MAPK10: variants seen among roughly 807,000 people sequenced by gnomAD.
MAPK10 encodes JNK3 alpha protein kinase.
MAPK10 carries 25 observed loss-of-function variants against 59.3 expected under a neutral mutation model. That is an observed-to-expected ratio of 0.42 (90% CI 0.31 to 0.59). The LOEUF (loss-of-function observed/expected upper bound fraction) is 0.59. Ranked by LOEUF, MAPK10 falls within the 20% of genes least tolerant of loss-of-function variation. The pLI is 0.15. For missense variants in MAPK10, 351 were observed against 568.9 expected (o/e 0.62, Z 3.90); for synonymous variants, 190 against 200.5 (o/e 0.95, Z 0.44).
intron 1 of MAPK10, among the ~76,000 whole-genome samples, chr4:86,381,189 C>T (rs1181252116): frequency 6.6e-6 from 1 of 152,164 alleles, no homozygotes; most frequent in Non-Finnish European, 1.5e-5. Flanking sequence ...TGGCTTTAGG[C>T]CTGAAAGAAG....
At chr4:86,385,912 A>T (rs1287544433) in intron 1 of MAPK10, among the ~76,000 whole-genome samples, 1 of 152,218 alleles carries the variant, frequency 6.6e-6, no homozygotes, top group African/African-American at 2.4e-5. Context: ...ACACATGCAT[A>T]CACACAGAAA....
At chr4:86,103,421 C>T (rs2055925972) in intron 5 of MAPK10, among the ~76,000 whole-genome samples, 177 bp from the exon 6 acceptor site, 2 of 152,086 alleles carry the variant, frequency 1.3e-5, no homozygotes, top group Admixed American at 6.5e-5. Context: ...TCAGAAAGAA[C>T]AGATGATCTG....
At chr4:86,189,807 G>A (rs892500691) in intron 3 of MAPK10, among the ~76,000 whole-genome samples, 38 of 152,114 alleles carry the variant, frequency 2.5e-4, no homozygotes, top group African/African-American at 8.4e-4. Flanking sequence ...TGGTGAGAGA[G>A]GGCACCTTGT....
chr4:86,244,912 C>G (rs1235024653), intron 2 of MAPK10, among the ~76,000 whole-genome samples: 1 of 152,124 alleles, frequency 6.6e-6, no homozygotes, highest in Non-Finnish European at 1.5e-5. Context: ...TAGATTGCTT[C>G]CCCATCCTTC....
At chr4:86,094,102 A>ATT (rs1474057374) in intron 9 of MAPK10, among the ~76,000 whole-genome samples, 3 of 151,994 alleles carry the variant, frequency 2.0e-5, no homozygotes, top group African/African-American at 7.2e-5. Flanking sequence ...AGAGGTAAGA[A>ATT]GAATTTTAAA....
At chr4:86,267,195 A>G (rs2094278800) in intron 2 of MAPK10, among the ~76,000 whole-genome samples, 1 of 152,266 alleles carries the variant, frequency 6.6e-6, no homozygotes, top group South Asian at 2.1e-4. Context: ...TTATTTTAGC[A>G]TAGATTTCCC....
At chr4:86,398,566 T>A (rs922425377) in intron 1 of MAPK10, among the ~76,000 whole-genome samples, 1 of 152,210 alleles carries the variant, frequency 6.6e-6, no homozygotes, top group Non-Finnish European at 1.5e-5. Context: ...TACCGCACAT[T>A]TTTCTTACAA....
chr4:86,418,480 G>C (rs1746123318), intron 1 of MAPK10, among the ~76,000 whole-genome samples: 1 of 152,200 alleles, frequency 6.6e-6, no homozygotes. Flanking sequence ...AATAACTTCA[G>C]ATTCATCAAG....
At chr4:86,436,002 A>G (rs1487951415) in intron 1 of MAPK10, among the ~76,000 whole-genome samples, 3 of 152,230 alleles carry the variant, frequency 2.0e-5, no homozygotes, top group Non-Finnish European at 1.5e-5. Context: ...AAAGGTAATC[A>G]TATTTTGTTA....
chr4:86,524,462 A>G (rs1757326681), intron 1 of MAPK10, among the ~76,000 whole-genome samples: 1 of 152,182 alleles, frequency 6.6e-6, no homozygotes, highest in Non-Finnish European at 1.5e-5. Context: ...CCCTCAATTC[A>G]GTTCTTGCAC....
intron 2 of MAPK10, among the ~76,000 whole-genome samples, chr4:86,325,014 A>G (rs1351694333): frequency 1.3e-5 from 2 of 152,244 alleles, no homozygotes; most frequent in African/African-American, 4.8e-5. Context: ...GTTTCAGACA[A>G]GGACTTTTAC....
At chr4:86,198,150 C>T (rs1272386565) in intron 2 of MAPK10, among the ~76,000 whole-genome samples, 1 of 152,124 alleles carries the variant, frequency 6.6e-6, no homozygotes, top group South Asian at 2.1e-4. Context: ...TTGTTCCAGA[C>T]CATCTTGCTA....
intron 2 of MAPK10, among the ~76,000 whole-genome samples, chr4:86,197,385 C>T (rs12501090): frequency 0.085 from 12,927 of 152,146 alleles, 1,213 homozygotes; most frequent in African/African-American, 0.23. Context: ...TATAGGAATG[C>T]TTGTGATTTT....
At chr4:86,474,175 T>G (rs1432045301) in intron 1 of MAPK10, among the ~76,000 whole-genome samples, 2 of 152,216 alleles carry the variant, frequency 1.3e-5, no homozygotes, top group Non-Finnish European at 2.9e-5. Flanking sequence ...TGGATACTTT[T>G]GGCATATCAT....
At chr4:86,229,179 G>A (rs972573234) in intron 2 of MAPK10, among the ~76,000 whole-genome samples, 3 of 151,856 alleles carry the variant, frequency 2.0e-5, no homozygotes, top group Non-Finnish European at 4.4e-5. Context: ...TCAATTCTAG[G>A]GTCCACATGA....
chr4:86,331,646 T>C (rs575150174), intron 2 of MAPK10, among the ~76,000 whole-genome samples: 1 of 152,278 alleles, frequency 6.6e-6, no homozygotes, highest in South Asian at 2.1e-4. Flanking sequence ...AAGAAAAACG[T>C]TCTCAGTTGG....
chr4:86,239,648 AC>A (rs2092568939), intron 2 of MAPK10, among the ~76,000 whole-genome samples: 1 of 151,906 alleles, frequency 6.6e-6, no homozygotes, highest in African/African-American at 2.4e-5. Context: ...AGGTGTTTAT[AC>A]TATTCTCTGT....
chr4:86,187,494 T>C (rs545370381), intron 3 of MAPK10, among the ~76,000 whole-genome samples: 68 of 152,244 alleles, frequency 4.5e-4, no homozygotes, highest in Non-Finnish European at 9.0e-4. Context: ...TCTGGAATTT[T>C]CAATTTAATA....
chr4:86,124,419 A>G (rs1412097133), intron 4 of MAPK10: 2 of 151,990 alleles, frequency 1.3e-5, no homozygotes, highest in Non-Finnish European at 2.9e-5. Flanking sequence ...CATTTCTCAT[A>G]CTTACTATTG....
Sources: gnomAD v4.1 joint callset for allele counts (sites outside exome capture counted in the v4.1 genomes callset) on GRCh38, gnomAD v4.1.1 for gene constraint, MANE v1.5 for transcripts, NCBI Gene and HGNC (gene_info 2026-07-23, HGNC 2026-07-21) for gene names.